The following CDH4 variants were observed in gnomAD, a reference collection of about 807,000 sequenced individuals.
CDH4 encodes cadherin-4.
In CDH4, 33 loss-of-function variants were observed where a neutral mutation model predicts 86.0. That is an observed-to-expected ratio of 0.38 (90% CI 0.29 to 0.51). The LOEUF (loss-of-function observed/expected upper bound fraction) is 0.51. Ranked by LOEUF, CDH4 falls within the 20% of genes least tolerant of loss-of-function variation. CDH4 has a pLI of 0.86. For missense variants in CDH4, 1,114 were observed against 1,307.4 expected (o/e 0.85, Z 2.28); for synonymous variants, 555 against 549.4 (o/e 1.01, Z -0.14).
chr20:61,522,751 G>A (rs991856781), intron 2 of CDH4, among the ~76,000 whole-genome samples: 1 of 152,232 alleles, frequency 6.6e-6, no homozygotes, highest in African/African-American at 2.4e-5. Flanking sequence ...GTTGTCTTCC[G>A]CGGAAAGTTT....
intron 7 of CDH4, among the ~76,000 whole-genome samples, chr20:61,881,019 A>G (rs2153932): frequency 0.82 from 124,240 of 152,184 alleles, 50,947 homozygotes; most frequent in South Asian, 0.87. Context: ...GGTGACCCCC[A>G]ACCAACTCAG....
At chr20:61,783,006 AC>A (rs747407652) in intron 4 of CDH4, among the ~76,000 whole-genome samples, 3 of 152,156 alleles carry the variant, frequency 2.0e-5, no homozygotes, top group Admixed American at 6.5e-5. Flanking sequence ...AATCACTTGA[AC>A]CCCGGAGGTA....
At chr20:61,296,364 T>C (rs1160627552) in intron 2 of CDH4, among the ~76,000 whole-genome samples, 2 of 151,962 alleles carry the variant, frequency 1.3e-5, no homozygotes, top group African/African-American at 4.8e-5. Flanking sequence ...ATCTACTACC[T>C]GCCTGACTCT....
At chr20:61,476,677 G>T (rs965554930) in intron 2 of CDH4, among the ~76,000 whole-genome samples, 1 of 152,216 alleles carries the variant, frequency 6.6e-6, no homozygotes, top group Non-Finnish European at 1.5e-5. Context: ...CTGCAATTAA[G>T]TGTTAGGCTG....
Position 61,938,250 on chromosome 20 carries a change from G to A in CDH4, c.*1307G>A, listed in dbSNP as rs1891582. 0.074 allele frequency: 11,287 copies of A among 152,446 alleles called. 707 individuals carry two copies. Among genetic ancestry groups the A allele is most frequent in the East Asian group, 0.33 (1,703 of 5,180 alleles). The allele number at this position is 152,446 out of a possible 1,614,324, so 9.4% of individuals were successfully genotyped here. A position where few individuals can be genotyped will look rare whatever the true frequency, so the allele number is the denominator to read the frequency against. On this transcript the variant is annotated 3_prime_UTR_variant, in exon 16 of 16. Transcript: ENST00000614565. ...CGAGGCTGGCACTGCTATCTCCAGG[G>A]CTGGGTTGACTCAAGCCAGACAGGG... is the stretch of plus-strand genomic sequence containing the variant.
intron 2 of CDH4, among the ~76,000 whole-genome samples, chr20:61,652,454 G>A (rs922795665): frequency 7.9e-5 from 12 of 152,118 alleles, no homozygotes; most frequent in Admixed American, 2.0e-4. Flanking sequence ...GATAACTGTC[G>A]TCTATTTAAG....
At chr20:61,634,699 G>T (rs1277319060) in intron 2 of CDH4, among the ~76,000 whole-genome samples, 1 of 152,214 alleles carries the variant, frequency 6.6e-6, no homozygotes, top group Non-Finnish European at 1.5e-5. Context: ...TTAACACTTT[G>T]AAGCGCAGAG....
intron 2 of CDH4, among the ~76,000 whole-genome samples, chr20:61,434,009 G>A (rs2085265944): frequency 6.6e-6 from 1 of 152,158 alleles, no homozygotes; most frequent in Non-Finnish European, 1.5e-5. Flanking sequence ...ATCGTCCCAT[G>A]GCGCATGGCT....
chr20:61,293,749 G>C (rs2084336195), intron 2 of CDH4, among the ~76,000 whole-genome samples: 1 of 152,184 alleles, frequency 6.6e-6, no homozygotes, highest in Admixed American at 6.5e-5. Context: ...CAGCCTGGAG[G>C]TGCTCTTGCT....
intron 2 of CDH4, among the ~76,000 whole-genome samples, chr20:61,473,815 TCAGA>T (rs940358160): frequency 2.6e-5 from 4 of 151,762 alleles, no homozygotes; most frequent in South Asian, 2.1e-4. Flanking sequence ...ACACAGACAC[TCAGA>T]CAGACACACA....
chr20:61,537,754 G>A (rs936761882), intron 2 of CDH4, among the ~76,000 whole-genome samples: 37 of 152,170 alleles, frequency 2.4e-4, no homozygotes, highest in African/African-American at 8.4e-4. Flanking sequence ...TTAACAAGCC[G>A]GGTCTTTCAA....
intron 4 of CDH4, among the ~76,000 whole-genome samples, chr20:61,826,282 C>A (rs1158841098): frequency 6.6e-6 from 1 of 152,244 alleles, no homozygotes; most frequent in Non-Finnish European, 1.5e-5. Flanking sequence ...ATCTGCCATC[C>A]TGGCCTCCTT....
chr20:61,323,690 T>A (rs1189117570), intron 2 of CDH4, among the ~76,000 whole-genome samples: 3 of 152,056 alleles, frequency 2.0e-5, no homozygotes, highest in Admixed American at 2.0e-4. Context: ...GATGCTTGGG[T>A]TTCTAGGTTG....
At chr20:61,258,429 GTTA>G (rs2084112832) in intron 2 of CDH4, among the ~76,000 whole-genome samples, 6 of 150,818 alleles carry the variant, frequency 4.0e-5, no homozygotes, top group Non-Finnish European at 8.8e-5. Context: ...CCGTTTCTCA[GTTA>G]GTTTAGGACC....
chr20:61,887,740 A>G (rs1984611495), intron 7 of CDH4, among the ~76,000 whole-genome samples: 1 of 152,208 alleles, frequency 6.6e-6, no homozygotes, highest in Non-Finnish European at 1.5e-5. Flanking sequence ...GCAGGCTGAC[A>G]TTCTTCTCCG....
intron 2 of CDH4, among the ~76,000 whole-genome samples, chr20:61,276,303 T>C (rs973064900): frequency 6.6e-6 from 1 of 152,238 alleles, no homozygotes; most frequent in African/African-American, 2.4e-5. Flanking sequence ...ACATTTGCAC[T>C]TTCAAACTCA....
intron 2 of CDH4, among the ~76,000 whole-genome samples, chr20:61,390,813 G>A (rs66475704): frequency 0.2 from 26,230 of 132,890 alleles, 2,843 homozygotes; most frequent in East Asian, 0.44. Context: ...CCCATAGTGC[G>A]GTGTCTGGGA....
At chr20:61,308,873 A>T (rs1209120101) in intron 2 of CDH4, among the ~76,000 whole-genome samples, 1 of 152,178 alleles carries the variant, frequency 6.6e-6, no homozygotes, top group Non-Finnish European at 1.5e-5. Flanking sequence ...AGCCCTGATC[A>T]AAGGGCTGGG....
chr20:61,290,994 G>A (rs145734849), intron 2 of CDH4, among the ~76,000 whole-genome samples: 212 of 152,224 alleles, frequency 1.4e-3, no homozygotes, highest in African/African-American at 5.0e-3. Flanking sequence ...TGGTTTGTTC[G>A]TTTTTCTTGA....
Sources: gnomAD v4.1 joint callset for allele counts (sites outside exome capture counted in the v4.1 genomes callset) on GRCh38, gnomAD v4.1.1 for gene constraint, MANE v1.5 for transcripts, NCBI Gene and HGNC (gene_info 2026-07-23, HGNC 2026-07-21) for gene names.